The following STXBP3 variants were observed in gnomAD, a reference collection of about 807,000 sequenced individuals.
STXBP3 encodes the protein syntaxin binding protein 3.
Under a neutral mutation model 85.7 loss-of-function variants are expected in STXBP3, and 41 were observed. That is an observed-to-expected ratio of 0.48 (90% CI 0.37 to 0.62). The LOEUF is 0.62. Among genes scored for constraint, STXBP3 ranks in the 20% least tolerant of loss-of-function variants. STXBP3 has a pLI of 0.00. For missense variants in STXBP3, 563 were observed against 703.1 expected, an observed-to-expected ratio of 0.80 and a Z score of 2.25; for synonymous variants, 229 against 231.7, an observed-to-expected ratio of 0.99 and a Z score of 0.10.
chr1:108,771,440 A>C (rs1331930416), intron 6 of STXBP3, among the ~76,000 whole-genome samples: 3 of 64,836 alleles, frequency 4.6e-5, no homozygotes, highest in African/African-American at 1.7e-4. Context: ...TATGATATAT[A>C]TCTATATATA....
chr1:108,776,566 C>T, intron 8 of STXBP3, 143 bp downstream of exon 8: 5 of 537,008 alleles, frequency 9.3e-6, no homozygotes, highest in South Asian at 2.8e-5. Context: ...GAATCATTAA[C>T]ATACACAATC....
intron 1 of STXBP3, among the ~76,000 whole-genome samples, chr1:108,748,180 A>T (rs6701529): frequency 0.18 from 26,835 of 152,044 alleles, 3,154 homozygotes; most frequent in Non-Finnish European, 0.26. Flanking sequence ...CGTAATTAAC[A>T]TTTTAAATTG....
At chr1:108,782,238 T>A (rs1008119566) in intron 9 of STXBP3, 184 bp from the exon 10 acceptor site, 2 of 525,798 alleles carry the variant, frequency 3.8e-6, no homozygotes, top group Non-Finnish European at 6.7e-6. Flanking sequence ...GCTTAGGACT[T>A]ATTTTTAATG....
At chr1:108,775,715 A>G (rs1662574081) in intron 7 of STXBP3, among the ~76,000 whole-genome samples, 1 of 152,070 alleles carries the variant, frequency 6.6e-6, no homozygotes, top group East Asian at 1.9e-4. Flanking sequence ...AGTTCCATCC[A>G]TGTTGTTGTA....
chr1:108,764,087 C>T (rs965328524), intron 6 of STXBP3, among the ~76,000 whole-genome samples: 2 of 152,064 alleles, frequency 1.3e-5, no homozygotes, highest in Non-Finnish European at 2.9e-5. Flanking sequence ...TCTTTGTGAC[C>T]GTGTATTCTC....
chr1:108,763,133 T>G (rs1409707202), intron 6 of STXBP3, among the ~76,000 whole-genome samples: 1 of 152,178 alleles, frequency 6.6e-6, no homozygotes, highest in Non-Finnish European at 1.5e-5. Flanking sequence ...AAGAAATAGG[T>G]TTACAGATAG....
intron 1 of STXBP3, among the ~76,000 whole-genome samples, chr1:108,747,108 C>A (rs903081075): frequency 1.3e-5 from 2 of 152,154 alleles, no homozygotes; most frequent in African/African-American, 4.8e-5. Flanking sequence ...TGCGTGCCCT[C>A]GGCCGCGCTC....
At chr1:108,807,204 A>G (rs1052073801) in intron 17 of STXBP3, among the ~76,000 whole-genome samples, 197 bp from the exon 18 acceptor site, 4 of 149,876 alleles carry the variant, frequency 2.7e-5, no homozygotes, top group Admixed American at 6.7e-5. Context: ...GTTGCAGTGA[A>G]CCAAGATCGC....
intron 7 of STXBP3, among the ~76,000 whole-genome samples, chr1:108,773,766 A>G (rs1183783127): frequency 1.3e-5 from 2 of 152,216 alleles, no homozygotes; most frequent in Non-Finnish European, 1.5e-5. Flanking sequence ...CCAGAGTACC[A>G]GGAGAAAACC....
At chr1:108,760,120 G>A in intron 6 of STXBP3, 35 bp downstream of exon 6, 2 of 1,373,006 alleles carry the variant, frequency 1.5e-6, no homozygotes, top group Non-Finnish European at 2.0e-6. Context: ...TTCATGAGAG[G>A]TTTCAAATTT....
intron 6 of STXBP3, among the ~76,000 whole-genome samples, chr1:108,761,504 G>A (rs1213261581): frequency 6.6e-6 from 1 of 151,760 alleles, no homozygotes; most frequent in Non-Finnish European, 1.5e-5. Context: ...GTAGATATCT[G>A]AATAATTTGA....
chr1:108,801,432 T>C (rs539736356), intron 17 of STXBP3, among the ~76,000 whole-genome samples: 1 of 152,296 alleles, frequency 6.6e-6, no homozygotes, highest in Admixed American at 6.5e-5. Context: ...CTTTCTCTCT[T>C]GCTCTCTTGT....
chr1:108,793,743 A>C, intron 12 of STXBP3, 96 bp downstream of exon 12: 1 of 1,015,208 alleles, frequency 9.9e-7, no homozygotes, highest in South Asian at 1.5e-5. Context: ...GTTTCGTGGA[A>C]TACTTGGTGT....
chr1:108,787,549 T>A lies in STXBP3; in HGVS notation c.963+4843T>A, dbSNP rs944906650. Among the ~76,000 whole-genome samples, 15 of 146,894 alleles carry A rather than the reference T, an allele frequency of 1.0e-4. No homozygotes were observed. The East Asian group carries it at 2.8e-3, about 27-fold the overall frequency. On this transcript the variant is annotated intron_variant, in intron 11 of 18. Transcript: ENST00000370008. ...AGACAAGCTTGTCATACGTTTAAAATTTTTTTTTTTTAGTAGTTAATACCT... is the reference window on the plus strand; with the variant it reads ...AGACAAGCTTGTCATACGTTTAAAAATTTTTTTTTTTAGTAGTTAATACCT...
At chr1:108,787,866 T>TGCAGCC (rs1251953439) in intron 11 of STXBP3, among the ~76,000 whole-genome samples, 1 of 152,130 alleles carries the variant, frequency 6.6e-6, no homozygotes, top group South Asian at 2.1e-4. Context: ...CTCAACTCAC[T>TGCAGCC]GCAGCCTCAA....
chr1:108,767,097 T>C, intron 6 of STXBP3: 1 of 334,340 alleles, frequency 3.0e-6, no homozygotes, highest in Non-Finnish European at 5.9e-6. Flanking sequence ...TGCTGGCTTC[T>C]CCTCCCTCTG....
At chr1:108,770,049 G>A (rs2101113697) in intron 6 of STXBP3, among the ~76,000 whole-genome samples, 1 of 152,272 alleles carries the variant, frequency 6.6e-6, no homozygotes, top group African/African-American at 2.4e-5. Flanking sequence ...CAGGACTTTA[G>A]GAGGCCAAGG....
chr1:108,789,097 A>T (rs2934739), intron 11 of STXBP3, among the ~76,000 whole-genome samples: 107,179 of 152,038 alleles, frequency 0.7, 38,770 homozygotes, highest in Non-Finnish European at 0.77. Flanking sequence ...TGCATATGTT[A>T]TTAATATTTC....
At chr1:108,755,371 A>C (rs2101103663) in intron 3 of STXBP3, among the ~76,000 whole-genome samples, 1 of 152,192 alleles carries the variant, frequency 6.6e-6, no homozygotes, top group South Asian at 2.1e-4. Flanking sequence ...TGCTTGAGCC[A>C]GGGAAGTCAA....
Sources: allele counts gnomAD v4.1 joint callset (sites outside exome capture counted in the v4.1 genomes callset), GRCh38; gene constraint gnomAD v4.1.1; transcripts MANE v1.5; gene names NCBI Gene and HGNC (gene_info 2026-07-23, HGNC 2026-07-21).